Variants in KANK1 observed in about 807,000 individuals in gnomAD.
The protein encoded by KANK1 is KN motif and ankyrin repeat domain-containing protein 1.
A neutral mutation model predicts 106.2 loss-of-function variants in KANK1; 109 were observed. That is an observed-to-expected ratio of 1.03 (90% CI 0.88 to 1.20). KANK1 has a LOEUF of 1.20. KANK1 is among the 50% of genes most tolerant of loss of function. The probability of loss-of-function intolerance (pLI) is 0.00; values close to 1 mark genes in which losing one functional copy is unlikely to be tolerated. For missense variants in KANK1, 2,399 were observed against 1,710.7 expected, an observed-to-expected ratio of 1.40 and a Z score of -7.10; for synonymous variants, 873 against 652.2, an observed-to-expected ratio of 1.34 and a Z score of -5.16.
upstream of KANK1, among the ~76,000 whole-genome samples, chr9:500,564 A>G (rs931526846): frequency 6.6e-6 from 1 of 152,222 alleles, no homozygotes; most frequent in Non-Finnish European, 1.5e-5. Flanking sequence ...TACAGAAAAC[A>G]ACAAGTGAAA....
intron 1 of KANK1, among the ~76,000 whole-genome samples, chr9:581,838 G>C (rs1305224158): frequency 6.6e-6 from 1 of 152,106 alleles, no homozygotes; most frequent in East Asian, 1.9e-4. Context: ...TGCTTTGTCA[G>C]CATCCAGCCA....
chr9:496,291 C>A (rs748362183), intron 3 of KANK1, among the ~76,000 whole-genome samples: 2 of 152,170 alleles, frequency 1.3e-5, no homozygotes, highest in African/African-American at 4.8e-5. Context: ...CAATGACTCA[C>A]GCATGTAATC....
chr9:684,072 C>A, intron 2 of KANK1: 1 of 679,848 alleles, frequency 1.5e-6, no homozygotes, highest in Non-Finnish European at 1.8e-6. Flanking sequence ...CACCCAGCCC[C>A]CGGAGAGGTT....
chr9:732,464 C>T lies in KANK1; in HGVS notation c.3092C>T (p.Pro1031Leu). 1 of 1,614,040 alleles carries T rather than the reference C, an allele frequency of 6.2e-7. No homozygotes were observed. Among genetic ancestry groups the T allele is most frequent in the Non-Finnish European group, 8.5e-7 (1 of 1,180,010 alleles). The change falls in exon 6 of 12, where the codon CCT (proline) becomes CTT (leucine). Residue 1031 changes from proline (P) to leucine (L), a missense_variant. By Grantham distance (98) the Pro-to-Leu change is moderately conservative. Coordinates refer to ENST00000382297, the MANE Select transcript of KANK1 (RefSeq NM_015158.5). Reference protein sequence around the residue: ...SDDECDVIEYPLEEEEEEEDE... With the variant: ...SDDECDVIEYLLEEEEEEEDE... ...GACGAGTGTGATGTCATTGAGTATC[C>T]TCTTGAAGAAGAGGAGGAGGAGGAG...
chr9:537,475 G>A (rs2060359544), intron 1 of KANK1, among the ~76,000 whole-genome samples: 1 of 152,180 alleles, frequency 6.6e-6, no homozygotes, highest in Non-Finnish European at 1.5e-5. Flanking sequence ...TGTCTCTCAA[G>A]TGTTGCTAAT....
chr9:664,826 C>T (rs1326706764), intron 1 of KANK1, among the ~76,000 whole-genome samples: 2 of 152,178 alleles, frequency 1.3e-5, no homozygotes, highest in African/African-American at 4.8e-5. Flanking sequence ...TCTGCATCCT[C>T]ACCAGCATGT....
intron 2 of KANK1, among the ~76,000 whole-genome samples, chr9:696,219 G>A (rs1311736980): frequency 6.6e-6 from 1 of 151,508 alleles, no homozygotes; most frequent in Non-Finnish European, 1.5e-5. Context: ...GGGAGGCGGA[G>A]TTTGCAGGGA....
intron 1 of KANK1, among the ~76,000 whole-genome samples, chr9:672,910 G>C (rs1381646813): frequency 6.6e-6 from 1 of 152,122 alleles, no homozygotes; most frequent in African/African-American, 2.4e-5. Context: ...TTCTTAGCTA[G>C]GAGAACTAAG....
chr9:480,818 G>C (rs1409765523), intron 3 of KANK1, among the ~76,000 whole-genome samples: 1 of 152,204 alleles, frequency 6.6e-6, no homozygotes, highest in African/African-American at 2.4e-5. Flanking sequence ...AATTCCTTAA[G>C]GGGTTGGGCA....
chr9:738,983 C>A (rs1564127555), intron 8 of KANK1, among the ~76,000 whole-genome samples: 1 of 152,174 alleles, frequency 6.6e-6, no homozygotes, highest in East Asian at 1.9e-4. Context: ...GCAAAGCCAC[C>A]TTAACAGATG....
At chr9:587,541 T>TA (rs1823804960) in intron 1 of KANK1, among the ~76,000 whole-genome samples, 1 of 152,192 alleles carries the variant, frequency 6.6e-6, no homozygotes, top group Admixed American at 6.5e-5. Flanking sequence ...CAAAATCTGT[T>TA]ACTCTGTTTC....
chr9:574,422 C>A (rs1304410856), intron 1 of KANK1, among the ~76,000 whole-genome samples: 2 of 136,984 alleles, frequency 1.5e-5, no homozygotes, highest in African/African-American at 7.3e-5. Context: ...GTATGGGGTG[C>A]TCTGGGAAAA....
rs1437170934 is a variant in KANK1 at position 706,884 on chromosome 9, T to TAA, written c.38-3919_38-3918insAA. 13 of 985,180 alleles carry TAA rather than the reference T, an allele frequency of 1.3e-5. No individual in the cohort carries two copies. In the African/African-American group the frequency reaches 2.3e-4, roughly 17 times the overall value. 61.0% of individuals were successfully genotyped at this position (985,180 alleles called of 1,614,324 possible). A position where few individuals can be genotyped will look rare whatever the true frequency, so the allele number is the denominator to read the frequency against. On this transcript the variant is annotated intron_variant, in intron 2 of 11. Transcript: ENST00000382297. ...GACTCTTTCATGAAGCAGTGACTAG[T>TAA]ATAGGAAAAACAGAGCCTCTCTGTA...
intron 3 of KANK1, chr9:492,046 A>C (rs1015195587): frequency 6.6e-6 from 1 of 152,192 alleles, no homozygotes; most frequent in Non-Finnish European, 1.5e-5. Flanking sequence ...GTATGTCTTT[A>C]TCAACAGTGT....
At chr9:638,200 T>A (rs1233973439) in intron 1 of KANK1, among the ~76,000 whole-genome samples, 1 of 152,228 alleles carries the variant, frequency 6.6e-6, no homozygotes, top group African/African-American at 2.4e-5. Flanking sequence ...TTTCTGTGGC[T>A]TATGATAGAA....
At chr9:706,822 C>T in intron 2 of KANK1, 1 of 985,434 alleles carries the variant, frequency 1.0e-6, no homozygotes, top group Non-Finnish European at 1.2e-6. Context: ...TGCCTCTGCA[C>T]CTCCTCAGGT....
At chr9:591,924 G>A (rs958375770) in intron 1 of KANK1, among the ~76,000 whole-genome samples, 1 of 151,708 alleles carries the variant, frequency 6.6e-6, no homozygotes, top group African/African-American at 2.4e-5. Flanking sequence ...CTCTGAAAAT[G>A]CTGGGATTAC....
At chr9:720,839 C>G (rs957103657) in intron 3 of KANK1, among the ~76,000 whole-genome samples, 4 of 152,140 alleles carry the variant, frequency 2.6e-5, no homozygotes, top group Non-Finnish European at 2.9e-5. Context: ...GGAGCATTTA[C>G]TTTCTGTTTA....
In KANK1 at chr9:648,252, C is replaced by A. The variant is rs1016147690; in HGVS notation, c.-83-28638C>A. ...CTCTTGACCCTGTGATCCGCCTGCC[C>A]CAGCCTCCCAAAGTGCTGAGATTAC... On this transcript the variant is annotated intron_variant, in intron 1 of 11. Coordinates refer to ENST00000382297, the MANE Select transcript of KANK1 (RefSeq NM_015158.5). 4.0e-5 allele frequency among the ~76,000 whole-genome samples: 6 copies of A among 151,752 alleles called. No homozygotes were observed. In the East Asian group the frequency reaches 1.2e-3, roughly 29 times the overall value.
Sources: gnomAD v4.1 joint callset for allele counts (sites outside exome capture counted in the v4.1 genomes callset) on GRCh38, gnomAD v4.1.1 for gene constraint, MANE v1.5 for transcripts, NCBI Gene and HGNC (gene_info 2026-07-23, HGNC 2026-07-21) for gene names.